Variants in ABCA12 observed in about 807,000 individuals in gnomAD.
The protein encoded by ABCA12 is ATP binding cassette subfamily A member 12.
ABCA12 carries 156 observed loss-of-function variants against 293.5 expected under a neutral mutation model. The observed-to-expected ratio is 0.53, with a 90% confidence interval of 0.47 to 0.61. The LOEUF (loss-of-function observed/expected upper bound fraction) is 0.61. Among genes scored for constraint, ABCA12 ranks in the 20% least tolerant of loss-of-function variants. The pLI is 0.00. For synonymous variants in ABCA12, 1,063 were observed against 1,108.0 expected (o/e 0.96, Z 0.81); for missense variants, 2,797 against 3,090.2 (o/e 0.91, Z 2.25).
rs59050296 is a variant in ABCA12, at chr2:215,030,438, C to CAAA, written c.1061+1380_1061+1382dup. Among the ~76,000 whole-genome samples, 63 of 113,642 alleles carry CAAA rather than the reference C, an allele frequency of 5.5e-4. 1 individual carries two copies. The highest frequency in any genetic ancestry group is 1.9e-3 in the African/African-American group (62 of 32,098). 74.6% of individuals were successfully genotyped at this position (113,642 alleles called of 152,430 possible). A position where few individuals can be genotyped will look rare whatever the true frequency, so the allele number is the denominator to read the frequency against. Reference sequence around the variant, plus strand: ...TGAAACCCCGTCTCTACTAACAATACAAAAAAAAAAAAAAAATTAGCCAGG... The same window carrying CAAA: ...TGAAACCCCGTCTCTACTAACAATACAAAAAAAAAAAAAAAAAAATTAGCCAGG... On this transcript the variant is annotated intron_variant, in intron 9 of 52. Coordinates refer to ENST00000272895, the MANE Select transcript of ABCA12 (RefSeq NM_173076.3).
At chr2:215,061,143 C>G (rs1441654743) in intron 3 of ABCA12, among the ~76,000 whole-genome samples, 1 of 152,078 alleles carries the variant, frequency 6.6e-6, no homozygotes, top group Non-Finnish European at 1.5e-5. Flanking sequence ...GTTGGATCAT[C>G]TGTTGTGCAA....
intron 9 of ABCA12, chr2:215,030,258 C>T (rs1700842747): frequency 6.6e-6 from 1 of 152,038 alleles, no homozygotes; most frequent in South Asian, 2.1e-4. Context: ...AGGTATTTTG[C>T]TATTATTATT....
chr2:215,008,601 A>G (rs987679010), intron 18 of ABCA12, among the ~76,000 whole-genome samples: 2 of 152,236 alleles, frequency 1.3e-5, no homozygotes, highest in African/African-American at 4.8e-5. Context: ...ATGCAGTATC[A>G]TTTTAATGCA....
intron 2 of ABCA12, among the ~76,000 whole-genome samples, chr2:215,105,005 ACTAT>A (rs1395424890): frequency 3.3e-5 from 5 of 152,146 alleles, no homozygotes; most frequent in African/African-American, 9.7e-5. Context: ...AGTTTTTTTT[ACTAT>A]CTATCATTGA....
rs185281475 is a variant in ABCA12 at position 215,038,630 on chromosome 2, T to G, written c.873-1565A>C. 7.7e-4 allele frequency among the ~76,000 whole-genome samples: 118 copies of G among 152,332 alleles called. 2 individuals carry two copies. Among genetic ancestry groups the G allele is most frequent in the East Asian group, 3.1e-3 (16 of 5,188 alleles). ...ATCTCCTGGTTCTCAGGTGTTGGGT[T>G]ACTTCCAAACCCTAGCAACCATGGA... On this transcript the variant is annotated intron_variant, in intron 7 of 52. Transcript: ENST00000272895.
At chr2:215,050,769 C>T in intron 5 of ABCA12, 1 of 984,644 alleles carries the variant, frequency 1.0e-6, no homozygotes, top group Non-Finnish European at 1.2e-6. Context: ...CCGTATCTCT[C>T]TTCTAACATT....
chr2:214,934,017 C>G, intron 52 of ABCA12, 61 bp downstream of exon 52: 1 of 1,527,796 alleles, frequency 6.5e-7, no homozygotes, highest in South Asian at 1.2e-5. Context: ...AAGAAATAAC[C>G]AGAATGAATA....
chr2:214,972,536 T>C (rs1699408851), intron 36 of ABCA12, among the ~76,000 whole-genome samples: 1 of 152,022 alleles, frequency 6.6e-6, no homozygotes, highest in Admixed American at 6.6e-5. Flanking sequence ...CCCCACCAAG[T>C]AGCTGGGACT....
chr2:214,968,852 T>A (rs374165703), intron 37 of ABCA12, 45 bp from the exon 38 acceptor site: 7 of 1,547,980 alleles, frequency 4.5e-6, no homozygotes, highest in Non-Finnish European at 5.4e-6. Flanking sequence ...GTGGAGAAAA[T>A]CTTCTTAAAT....
chr2:214,943,052 G>T (rs772271132), intron 49 of ABCA12, 35 bp from the exon 50 acceptor site: 3 of 1,573,498 alleles, frequency 1.9e-6, no homozygotes, highest in Non-Finnish European at 2.6e-6. Flanking sequence ...TAGCATTCAG[G>T]ATACAGAAAA....
Position 214,987,657 on chromosome 2 carries a change from G to C in ABCA12, c.3966C>G (p.Asn1322Lys). The change falls in exon 27 of 53, where the codon AAC (asparagine) becomes AAG (lysine). Residue 1322 changes from asparagine to lysine, a missense_variant. This residue lies in a region of ABCA12 where 2,130 missense variants were observed against 2,427.0 expected (regional missense o/e 0.88). Coordinates refer to ENST00000272895, the MANE Select transcript of ABCA12 (RefSeq NM_173076.3). ...ACCGACTTGTCTTACTGGCAGATGG[G>C]TTGGTGTTCTGCATCATGATGTTAG... ...MFTNIMMQNT[N>K]PSASPEYMFS... The C allele has an allele frequency of 3.7e-6, 6 of 1,613,578 alleles. No homozygotes were observed. The highest frequency in any genetic ancestry group is 5.1e-6 in the Non-Finnish European group (6 of 1,179,612).
intron 1 of ABCA12, among the ~76,000 whole-genome samples, chr2:215,119,102 C>G (rs1476809934): frequency 1.3e-5 from 2 of 152,180 alleles, no homozygotes; most frequent in Non-Finnish European, 2.9e-5. Flanking sequence ...TCCCAAGTAG[C>G]TGGGATTACA....
intron 11 of ABCA12, 45 bp downstream of exon 11, chr2:215,025,625 TTTG>T (rs780854189): frequency 2.6e-6 from 3 of 1,155,574 alleles, no homozygotes; most frequent in African/African-American, 7.8e-5. Flanking sequence ...GTTTTGTCTT[TTTG>T]TTTTTTTTTT....
At chr2:214,944,690 G>C (rs908866764) in intron 49 of ABCA12, among the ~76,000 whole-genome samples, 19 of 152,022 alleles carry the variant, frequency 1.2e-4, no homozygotes, top group African/African-American at 3.6e-4. Flanking sequence ...TAAGTCATGA[G>C]AAATTCGATG....
chr2:215,113,946 T>A (rs1218196258), intron 1 of ABCA12, among the ~76,000 whole-genome samples: 1 of 152,170 alleles, frequency 6.6e-6, no homozygotes, highest in Non-Finnish European at 1.5e-5. Context: ...AATACTACAA[T>A]AAAGAGACAC....
chr2:215,121,393 T>G (rs906953325), intron 1 of ABCA12, among the ~76,000 whole-genome samples: 6 of 152,208 alleles, frequency 3.9e-5, no homozygotes, highest in African/African-American at 9.6e-5. Context: ...TTGCTCAAAC[T>G]TCCATATATA....
At chr2:215,008,855 AAC>A (rs1481196414) in intron 18 of ABCA12, among the ~76,000 whole-genome samples, 2 of 152,192 alleles carry the variant, frequency 1.3e-5, no homozygotes, top group Non-Finnish European at 2.9e-5. Context: ...AAGAAAAAGG[AAC>A]ACTTATACAT....
intron 5 of ABCA12, among the ~76,000 whole-genome samples, chr2:215,050,133 T>C (rs1701289906): frequency 6.6e-6 from 1 of 152,126 alleles, no homozygotes. Flanking sequence ...CGCATAAAAA[T>C]CTTATTCACT....
At chr2:215,080,015 G>A (rs911926800) in intron 2 of ABCA12, among the ~76,000 whole-genome samples, 2 of 152,036 alleles carry the variant, frequency 1.3e-5, no homozygotes, top group South Asian at 2.1e-4. Flanking sequence ...ATAACAACTC[G>A]GCTAGTTGGG....
Sources: gnomAD v4.1 joint callset for allele counts (sites outside exome capture counted in the v4.1 genomes callset) on GRCh38, gnomAD v4.1.1 for gene constraint, gnomAD v4.1.1 regional missense constraint, MANE v1.5 for transcripts, NCBI Gene and HGNC (gene_info 2026-07-23, HGNC 2026-07-21) for gene names.